G2E3: variants seen among roughly 807,000 people sequenced by gnomAD.
The protein encoded by G2E3 is G2/M phase-specific E3 ubiquitin-protein ligase.
G2E3 carries 35 observed loss-of-function variants against 92.8 expected under a neutral mutation model. The ratio of observed to expected loss-of-function variants is 0.38; its 90% confidence interval spans 0.29 to 0.50. G2E3 has a LOEUF of 0.50. Among genes scored for constraint, G2E3 ranks in the 20% least tolerant of loss-of-function variants. G2E3 has a pLI of 0.94. For missense variants in G2E3, 554 were observed against 823.8 expected, an observed-to-expected ratio of 0.67 and a Z score of 4.01; for synonymous variants, 242 against 272.4, an observed-to-expected ratio of 0.89 and a Z score of 1.10.
At position 30,615,375 on chromosome 14, in the gene G2E3, G is replaced by T; in HGVS notation, c.1700G>T (p.Gly567Val). 6.3e-7 allele frequency: 1 copy of T among 1,599,190 alleles called. No individual in the cohort carries two copies. Among genetic ancestry groups the T allele is most frequent in the Non-Finnish European group, 8.5e-7 (1 of 1,173,638 alleles). Residue 567 changes from glycine to valine, a missense_variant, in exon 14 of 15, where the codon GGT becomes GTT. Coordinates refer to ENST00000206595, the MANE Select transcript of G2E3 (RefSeq NM_017769.5). ...TTTAAGCAGGGTCTGAAAACCCTTG[G>T]TGTTTTGGAGAAAATTCAGGCTTAT... The part of the protein sequence containing the change: ...ESFKQGLKTL[G>V]VLEKIQAYPE...
chr14:30,585,781 A>G (rs966011237), intron 2 of G2E3, among the ~76,000 whole-genome samples: 2 of 151,480 alleles, frequency 1.3e-5, no homozygotes, highest in African/African-American at 4.9e-5. Context: ...TTAAATTGTA[A>G]AAGTAGGTTA....
chr14:30,577,182 G>A (rs1411431962), intron 1 of G2E3, among the ~76,000 whole-genome samples: 7 of 133,780 alleles, frequency 5.2e-5, no homozygotes, highest in African/African-American at 1.8e-4. Context: ...CCGAGATTGC[G>A]TCACTGCAAT....
intron 1 of G2E3, among the ~76,000 whole-genome samples, chr14:30,574,312 C>T (rs1446672022): frequency 6.6e-6 from 1 of 152,058 alleles, no homozygotes; most frequent in East Asian, 1.9e-4. Context: ...TTGTTTTGGT[C>T]AATTGCCTCG....
intron 12 of G2E3, among the ~76,000 whole-genome samples, chr14:30,610,484 C>T (rs1007557225): frequency 3.3e-5 from 5 of 152,042 alleles, no homozygotes; most frequent in East Asian, 1.9e-4. Flanking sequence ...GGTGTGGTGG[C>T]GCGCGCCTAT....
intron 4 of G2E3, 26 bp from the exon 5 acceptor site, chr14:30,592,297 A>T: frequency 6.2e-7 from 1 of 1,603,744 alleles, no homozygotes; most frequent in Admixed American, 1.7e-5. Flanking sequence ...TTATGTTGTG[A>T]CCCCTATTTT....
intron 6 of G2E3, 89 bp downstream of exon 6, chr14:30,593,728 A>T: frequency 1.1e-6 from 1 of 879,198 alleles, no homozygotes; most frequent in Non-Finnish European, 1.8e-6. Flanking sequence ...ATTGACGTGT[A>T]TATTACCTCT....
chr14:30,563,758 T>G (rs989500768), intron 1 of G2E3, among the ~76,000 whole-genome samples: 2 of 151,510 alleles, frequency 1.3e-5, no homozygotes, highest in Non-Finnish European at 2.9e-5. Flanking sequence ...TCTCACTCTG[T>G]TGCCCAGGCT....
chr14:30,613,709 TA>T (rs200767722), intron 13 of G2E3, among the ~76,000 whole-genome samples: 162 of 151,914 alleles, frequency 1.1e-3, no homozygotes, highest in African/African-American at 3.3e-3. Context: ...TTTTTTTTTT[TA>T]AAATCAAACT....
intron 13 of G2E3, 149 bp from the exon 14 acceptor site, chr14:30,615,200 A>G (rs1412462736): frequency 3.8e-6 from 2 of 520,126 alleles, no homozygotes; most frequent in Admixed American, 7.4e-5. Flanking sequence ...ATCTGAAAAT[A>G]TGATTGTCTC....
rs1449218857 is a variant in G2E3 at position 30,602,024 on chromosome 14, T to C, written c.903T>C (p.His301=). 1 of 1,611,438 alleles carries C rather than the reference T, an allele frequency of 6.2e-7. No individual in the cohort carries two copies. Among genetic ancestry groups the C allele is most frequent in the Non-Finnish European group, 8.5e-7 (1 of 1,178,466 alleles). Residue 301 remains histidine (H), a synonymous_variant, in exon 10 of 15, where the codon CAT becomes CAC. Coordinates refer to ENST00000206595, the MANE Select transcript of G2E3 (RefSeq NM_017769.5). ...NSGEFQKAKK[H]VLPNSNNVGI... ...GAGAGTTCCAAAAAGCCAAAAAACA[T>C]GTATTACCCAATTCTAATAATGTGG... is the stretch of plus-strand genomic sequence containing the variant.
intron 12 of G2E3, among the ~76,000 whole-genome samples, chr14:30,610,066 A>T (rs1481886123): frequency 1.3e-5 from 2 of 152,202 alleles, no homozygotes; most frequent in Non-Finnish European, 2.9e-5. Context: ...TGTTGAACGA[A>T]GTTGAAGCTC....
At chr14:30,589,585 A>G in intron 4 of G2E3, 101 bp downstream of exon 4, 5 of 641,602 alleles carry the variant, frequency 7.8e-6, no homozygotes, top group South Asian at 4.3e-5. Flanking sequence ...GACTTTGATT[A>G]TAGGTTTCAA....
chr14:30,571,766 A>G (rs1008216945), intron 1 of G2E3, among the ~76,000 whole-genome samples: 4 of 152,062 alleles, frequency 2.6e-5, no homozygotes, highest in African/African-American at 9.7e-5. Context: ...CTATTGAGCT[A>G]TATATCTGAC....
intron 11 of G2E3, among the ~76,000 whole-genome samples, chr14:30,606,834 A>G (rs1881854295): frequency 6.6e-6 from 1 of 152,168 alleles, no homozygotes; most frequent in Non-Finnish European, 1.5e-5. Flanking sequence ...AGTTGCTAAT[A>G]CATTTGAAAT....
At chr14:30,594,085 G>A (rs1881150949) in intron 6 of G2E3, among the ~76,000 whole-genome samples, 1 of 152,144 alleles carries the variant, frequency 6.6e-6, no homozygotes, top group Non-Finnish European at 1.5e-5. Context: ...TTAACAGGGA[G>A]CTGATTACTG....
intron 10 of G2E3, among the ~76,000 whole-genome samples, chr14:30,605,157 A>G (rs1369863468): frequency 6.6e-6 from 1 of 152,076 alleles, no homozygotes; most frequent in Non-Finnish European, 1.5e-5. Context: ...CTGCCTCCCA[A>G]AGTGCTGGGA....
chr14:30,592,183 ATT>A, intron 4 of G2E3, 138 bp from the exon 5 acceptor site: 1 of 685,888 alleles, frequency 1.5e-6, no homozygotes, highest in East Asian at 2.9e-5. Flanking sequence ...CAGGAAATTT[ATT>A]TAATATACCC....
At chr14:30,559,858 G>A (rs1878984890) in intron 1 of G2E3, 1 of 152,068 alleles carries the variant, frequency 6.6e-6, no homozygotes, top group South Asian at 2.1e-4. Flanking sequence ...TTTAAAACCC[G>A]GATATTTTTC....
At chr14:30,564,914 T>C (rs1170435650) in intron 1 of G2E3, among the ~76,000 whole-genome samples, 1 of 152,234 alleles carries the variant, frequency 6.6e-6, no homozygotes, top group African/African-American at 2.4e-5. Flanking sequence ...TAGTGATCTC[T>C]TTTGTGAATA....
Sources: gnomAD v4.1 joint callset for allele counts (sites outside exome capture counted in the v4.1 genomes callset) on GRCh38, gnomAD v4.1.1 for gene constraint, MANE v1.5 for transcripts, NCBI Gene and HGNC (gene_info 2026-07-23, HGNC 2026-07-21) for gene names.